Variants in PDE8A observed in about 807,000 individuals in gnomAD.
The protein encoded by PDE8A is phosphodiesterase 8A.
In PDE8A, 59 loss-of-function variants were observed where a neutral mutation model predicts 105.0. That is an observed-to-expected ratio of 0.56 (90% CI 0.46 to 0.70). The LOEUF is 0.70. PDE8A is among the 30% of genes least tolerant of loss of function. PDE8A has a pLI of 0.00. For synonymous variants in PDE8A, 355 were observed against 371.9 expected, an observed-to-expected ratio of 0.95 and a Z score of 0.52; for missense variants, 1,014 against 1,045.9, an observed-to-expected ratio of 0.97 and a Z score of 0.42.
At chr15:84,999,444 A>C (rs184368527) in intron 1 of PDE8A, among the ~76,000 whole-genome samples, 71 of 152,252 alleles carry the variant, frequency 4.7e-4, no homozygotes, top group Non-Finnish European at 1.0e-3. Flanking sequence ...TTGAACAATA[A>C]AATATTCCCT....
At chr15:85,137,297 G>A (rs2082426444) in intron 21 of PDE8A, among the ~76,000 whole-genome samples, 1 of 152,140 alleles carries the variant, frequency 6.6e-6, no homozygotes, top group African/African-American at 2.4e-5. Flanking sequence ...GCAGCTTTGG[G>A]GGACACTGCA....
intron 1 of PDE8A, among the ~76,000 whole-genome samples, chr15:84,986,742 A>T (rs1412644374): frequency 6.6e-6 from 1 of 151,454 alleles, no homozygotes; most frequent in African/African-American, 2.4e-5. Flanking sequence ...CTCCCAAGTA[A>T]CTGGGACTAC....
intron 3 of PDE8A, among the ~76,000 whole-genome samples, chr15:85,071,429 G>A (rs1037893070): frequency 6.6e-6 from 1 of 152,248 alleles, no homozygotes; most frequent in African/African-American, 2.4e-5. Flanking sequence ...AAGGAAGAGA[G>A]GGATATGGAC....
chr15:84,998,572 C>T (rs13379744), intron 1 of PDE8A, among the ~76,000 whole-genome samples: 196 of 152,276 alleles, frequency 1.3e-3, no homozygotes, highest in African/African-American at 4.5e-3. Context: ...GTAACCCATG[C>T]ATTTGGGGTT....
intron 17 of PDE8A, among the ~76,000 whole-genome samples, chr15:85,119,348 A>C (rs2082143973): frequency 6.6e-6 from 1 of 151,518 alleles, no homozygotes; most frequent in Non-Finnish European, 1.5e-5. Flanking sequence ...GCAGGCCTAT[A>C]ATCCAGCTAC....
upstream of PDE8A, among the ~76,000 whole-genome samples, chr15:84,981,249 C>A (rs1254261005): frequency 6.6e-6 from 1 of 152,210 alleles, no homozygotes; most frequent in Non-Finnish European, 1.5e-5. Context: ...GTCGTCGCCG[C>A]GCATGCTCAG....
intron 1 of PDE8A, among the ~76,000 whole-genome samples, chr15:85,035,197 C>CTT (rs35548176): frequency 0.095 from 5,488 of 57,788 alleles, 784 homozygotes; most frequent in Middle Eastern, 0.19. Flanking sequence ...TGGGTATTTC[C>CTT]TTTTTTTTTT....
intron 1 of PDE8A, among the ~76,000 whole-genome samples, chr15:85,051,370 G>T (rs567412642): frequency 6.6e-6 from 1 of 152,240 alleles, no homozygotes; most frequent in East Asian, 1.9e-4. Flanking sequence ...TCCTTGCTTT[G>T]TTCCTGATCT....
intron 1 of PDE8A, among the ~76,000 whole-genome samples, chr15:85,049,542 AATAATATTCC>A (rs1171962842): frequency 3.9e-5 from 6 of 152,224 alleles, no homozygotes; most frequent in Non-Finnish European, 8.8e-5. Context: ...TTTATGGCTG[AATAATATTCC>A]ATTTTATGCA....
At chr15:84,986,703 C>G (rs963461461) in intron 1 of PDE8A, among the ~76,000 whole-genome samples, 2 of 151,920 alleles carry the variant, frequency 1.3e-5, no homozygotes, top group African/African-American at 4.8e-5. Flanking sequence ...CCTTGACCTC[C>G]TGGGCTCAAG....
chr15:84,992,760 G>A (rs2079906508), intron 1 of PDE8A, among the ~76,000 whole-genome samples: 1 of 152,216 alleles, frequency 6.6e-6, no homozygotes, highest in Non-Finnish European at 1.5e-5. Flanking sequence ...TGACTCAGAG[G>A]TTGGGGTTTA....
chr15:85,110,186 C>T (rs2082001540), intron 12 of PDE8A, among the ~76,000 whole-genome samples: 2 of 152,186 alleles, frequency 1.3e-5, no homozygotes, highest in South Asian at 2.1e-4. Context: ...GTCCCAGACC[C>T]TCTGCAGTCC....
intron 21 of PDE8A, 66 bp from the exon 22 acceptor site, chr15:85,137,723 AAATGCTCT>A: frequency 2.1e-6 from 2 of 960,584 alleles, no homozygotes; most frequent in Non-Finnish European, 3.3e-6. Context: ...TCACTCTTTA[AAATGCTCT>A]TAGTGAAAGC....
intron 1 of PDE8A, among the ~76,000 whole-genome samples, chr15:85,058,759 A>G (rs530418676): frequency 1.3e-5 from 2 of 152,078 alleles, no homozygotes; most frequent in Admixed American, 1.3e-4. Flanking sequence ...CCCTACTTTC[A>G]TTTCTAATTT....
At chr15:85,134,233 C>T (rs1469455388) in intron 20 of PDE8A, among the ~76,000 whole-genome samples, 1 of 152,222 alleles carries the variant, frequency 6.6e-6, no homozygotes, top group Non-Finnish European at 1.5e-5. Flanking sequence ...AGCAGAAAGA[C>T]AGAACAGCCT....
At chr15:85,045,068 G>T (rs1445039686) in intron 1 of PDE8A, among the ~76,000 whole-genome samples, 1 of 152,082 alleles carries the variant, frequency 6.6e-6, no homozygotes, top group Non-Finnish European at 1.5e-5. Context: ...TGCACTAGCT[G>T]TTCCTCTGCC....
chr15:85,072,880 A>T (rs1240457209), intron 3 of PDE8A, among the ~76,000 whole-genome samples: 1 of 152,212 alleles, frequency 6.6e-6, no homozygotes, highest in Non-Finnish European at 1.5e-5. Context: ...TGGGAGGCCA[A>T]GGCAGGCAGA....
chr15:85,066,749 G>A (rs1375179612), intron 2 of PDE8A, among the ~76,000 whole-genome samples: 1 of 152,036 alleles, frequency 6.6e-6, no homozygotes, highest in East Asian at 1.9e-4. Context: ...AATCAGCCTG[G>A]CCAACATGGC....
rs569543564 is a variant in PDE8A, at chr15:85,136,215, A to G, written c.2254-319A>G. 1.3e-4 allele frequency among the ~76,000 whole-genome samples: 20 copies of G among 152,348 alleles called. No homozygotes were observed. In the South Asian group the frequency reaches 3.9e-3, roughly 30 times the overall value. Reference sequence around the variant, plus strand: ...ATTTTGCCTCAGTTTCTTTAGGTCAATACGAACAACAGAGCGGTGGCTGAC... The same window carrying G: ...ATTTTGCCTCAGTTTCTTTAGGTCAGTACGAACAACAGAGCGGTGGCTGAC... On this transcript the variant is annotated intron_variant, in intron 20 of 21. Transcript: ENST00000394553.
Sources: gnomAD v4.1 joint callset for allele counts (sites outside exome capture counted in the v4.1 genomes callset) on GRCh38, gnomAD v4.1.1 for gene constraint, MANE v1.5 for transcripts, NCBI Gene and HGNC (gene_info 2026-07-23, HGNC 2026-07-21) for gene names.